Variants in CCDC40 observed in about 807,000 individuals in gnomAD.
The protein encoded by CCDC40 is coiled-coil domain 40 molecular ruler complex subunit.
A neutral mutation model predicts 124.5 loss-of-function variants in CCDC40; 104 were observed. The observed-to-expected ratio is 0.84, with a 90% CI of 0.71 to 0.98. The LOEUF is 0.98. CCDC40 is among the 50% of genes least tolerant of loss of function. The pLI is 0.00. For missense variants in CCDC40, 1,463 were observed against 1,503.9 expected (o/e 0.97, Z 0.45); for synonymous variants, 580 against 602.9 (o/e 0.96, Z 0.56).
chr17:80,047,086 T>TCCAC (rs1158365952), intron 3 of CCDC40, among the ~76,000 whole-genome samples, 193 bp from the exon 4 acceptor site: 1 of 152,218 alleles, frequency 6.6e-6, no homozygotes, highest in Non-Finnish European at 1.5e-5. Flanking sequence ...CCTCAAGCGA[T>TCCAC]CCACCCGCCT....
At position 80,058,028 on chromosome 17, in the gene CCDC40, C is replaced by T. The variant is rs533715442; in HGVS notation, c.1160-466C>T. Among the ~76,000 whole-genome samples the T allele has an allele frequency of 1.3e-5, 2 of 152,190 alleles. No individual in the cohort carries two copies. The highest frequency in any genetic ancestry group is 2.4e-5 in the African/African-American group (1 of 41,452). On this transcript the variant is annotated intron_variant, in intron 7 of 19. Coordinates refer to ENST00000397545, the MANE Select transcript of CCDC40 (RefSeq NM_017950.4). The surrounding 1 kb of genome is among the most constrained non-coding windows in gnomAD (Gnocchi z 4.2). ...CTCTTCTAGCCTCGTCCTCTCTGGC[C>T]TGCACTGCTGTGCAGCGGTGTCAGT...
intron 3 of CCDC40, among the ~76,000 whole-genome samples, chr17:80,046,248 G>A (rs1182235140): frequency 6.6e-6 from 1 of 152,148 alleles, no homozygotes; most frequent in Non-Finnish European, 1.5e-5. Context: ...AGGGAATTCA[G>A]AAGTGGTTCC....
chr17:80,089,286 C>T (rs1416521742), intron 16 of CCDC40, among the ~76,000 whole-genome samples: 1 of 152,186 alleles, frequency 6.6e-6, no homozygotes, highest in South Asian at 2.1e-4. Flanking sequence ...CTTTCTTCAG[C>T]GTGCTCCGGA....
intron 3 of CCDC40, 79 bp from the exon 4 acceptor site, chr17:80,047,200 A>C: frequency 1.0e-5 from 15 of 1,485,480 alleles, no homozygotes; most frequent in Non-Finnish European, 1.4e-5. Context: ...AACTTTCACA[A>C]ATGTAATGAG....
chr17:80,039,325 C>T (rs530642013), intron 2 of CCDC40, among the ~76,000 whole-genome samples: 1 of 152,132 alleles, frequency 6.6e-6, no homozygotes, highest in Admixed American at 6.5e-5. Flanking sequence ...CGAGATCACG[C>T]CACCGCACTC....
In CCDC40 at chr17:80,058,636, C is replaced by A. The variant is rs375163840; in HGVS notation, c.1302C>A (p.Ile434=). 2 of 1,614,022 alleles carry A rather than the reference C, an allele frequency of 1.2e-6. No homozygotes were observed. Among genetic ancestry groups the A allele is most frequent in the African/African-American group, 2.7e-5 (2 of 74,916 alleles). The part of the protein sequence containing the change: ...KAETERIRAE[I]EKKKQDLYVD... ...AGACGGAGAGGATCCGGGCAGAAAT[C>A]GAGAAGAAAAAGCAGGTATTCTGCA... Residue 434 remains isoleucine (I), a synonymous_variant, in exon 8 of 20, where the codon ATC becomes ATA. Transcript: ENST00000397545. The surrounding 1 kb of genome is among the most constrained non-coding windows in gnomAD (Gnocchi z 4.2).
rs7224338 is a variant in CCDC40, at chr17:80,086,571, C to T, written c.2449+355C>T. 0.41 allele frequency: 137,080 copies of T among 333,434 alleles called. 30,795 individuals carry two copies. The highest frequency in any genetic ancestry group is 0.5 in the Middle Eastern group (467 of 926). 20.7% of individuals were successfully genotyped at this position (333,434 alleles called of 1,614,324 possible). A position where few individuals can be genotyped will look rare whatever the true frequency, so the allele number is the denominator to read the frequency against. ...AGCCAGGGTCCTGCCAGGCAGGCTC[C>T]TGGTGCTGTCCCCACATCACCTCCA... On this transcript the variant is annotated intron_variant, in intron 14 of 19. Transcript: ENST00000397545. The surrounding 1 kb of genome is among the most constrained non-coding windows in gnomAD (Gnocchi z 5.5).
At chr17:80,082,297 G>A (rs549053156) in intron 12 of CCDC40, among the ~76,000 whole-genome samples, 1 of 149,854 alleles carries the variant, frequency 6.7e-6, no homozygotes, top group South Asian at 2.2e-4. Context: ...GATTTCCCTG[G>A]GGGGACCTGG....
intron 4 of CCDC40, 65 bp downstream of exon 4, chr17:80,047,467 CA>C (rs1262137826): frequency 6.5e-7 from 1 of 1,535,566 alleles, no homozygotes; most frequent in Non-Finnish European, 8.9e-7. Context: ...CCCTTCTGTG[CA>C]AGGGATGCCA....
At chr17:80,068,275 C>A (rs572328688) in intron 10 of CCDC40, among the ~76,000 whole-genome samples, 70 of 152,292 alleles carry the variant, frequency 4.6e-4, no homozygotes, top group African/African-American at 1.7e-3. Flanking sequence ...TCAGGTGATC[C>A]ACCCGTCTTG....
In CCDC40 at chr17:80,044,714, AAAAT is replaced by A. The variant is rs777470308; in HGVS notation, c.553-2563_553-2560del. On this transcript the variant is annotated intron_variant, in intron 3 of 19. Transcript: ENST00000397545. ...AAAACAAAACAAACAAACAAAAAAA[AAAAT>A]ATATATATATATATATATATCTCAA... Among the ~76,000 whole-genome samples, 603 of 76,780 alleles carry A rather than the reference AAAAT, an allele frequency of 7.9e-3. 5 individuals are homozygous for A. The highest frequency in any genetic ancestry group is 0.025 in the South Asian group (57 of 2,236). 50.4% of individuals were successfully genotyped at this position (76,780 alleles called of 152,430 possible).
chr17:80,070,765 C>T (rs2038167239), intron 10 of CCDC40, among the ~76,000 whole-genome samples: 1 of 152,180 alleles, frequency 6.6e-6, no homozygotes, highest in South Asian at 2.1e-4. Context: ...GAGCCAGAGC[C>T]TGTCTCAAAA....
intron 3 of CCDC40, among the ~76,000 whole-genome samples, chr17:80,044,100 G>A (rs1016644928): frequency 5.3e-5 from 8 of 152,106 alleles, no homozygotes; most frequent in Non-Finnish European, 5.9e-5. Context: ...ACAACCCTAC[G>A]AGGTAGGAAC....
intron 7 of CCDC40, among the ~76,000 whole-genome samples, chr17:80,053,669 T>C (rs551794160): frequency 6.6e-6 from 1 of 152,334 alleles, no homozygotes; most frequent in Non-Finnish European, 1.5e-5. Context: ...CTCAGCTCAC[T>C]GCAACCTCCA....
At chr17:80,050,427 A>G in intron 7 of CCDC40, 144 bp downstream of exon 7, 2 of 693,550 alleles carry the variant, frequency 2.9e-6, no homozygotes, top group Admixed American at 2.3e-5. Flanking sequence ...AGGGGAAGGC[A>G]CATAAATCAA....
chr17:80,062,621 C>T (rs2037933616), intron 9 of CCDC40, among the ~76,000 whole-genome samples: 2 of 152,074 alleles, frequency 1.3e-5, no homozygotes, highest in South Asian at 4.1e-4. Context: ...ACTCTGTCCC[C>T]CAGGCTGGAG....
In CCDC40 at chr17:80,087,801, G is replaced by A. The variant is rs151335066; in HGVS notation, c.2619+25G>A. The A allele has an allele frequency of 1.3e-3, 2,052 of 1,611,466 alleles. 36 individuals are homozygous for A. The East Asian group carries it at 0.035, about 27-fold the overall frequency. On this transcript the variant is annotated intron_variant, in intron 15 of 19. Coordinates refer to ENST00000397545, the MANE Select transcript of CCDC40 (RefSeq NM_017950.4). This position sits in a 1 kb window ranked among gnomAD's most constrained non-coding sequence, Gnocchi z 4.5. ...GGTCCGGCCGTGTCCACGCAGTCCC[G>A]GGGCTCAGGACGATGGAGGGCGGGG...
chr17:80,063,136 A>G (rs1048045501), intron 9 of CCDC40, among the ~76,000 whole-genome samples: 1 of 152,086 alleles, frequency 6.6e-6, no homozygotes, highest in African/African-American at 2.4e-5. Context: ...CGGAAATTGC[A>G]GTGAGCCAAG....
At chr17:80,067,549 G>C in intron 10 of CCDC40, 1 of 1,524,916 alleles carries the variant, frequency 6.6e-7, no homozygotes, top group Non-Finnish European at 8.8e-7. Flanking sequence ...AACACCGCTC[G>C]TTCCCGCCTT....
Sources: allele counts gnomAD v4.1 joint callset (sites outside exome capture counted in the v4.1 genomes callset), GRCh38; gene constraint gnomAD v4.1.1; non-coding constraint Gnocchi (gnomAD v3.1); transcripts MANE v1.5; gene names NCBI Gene and HGNC (gene_info 2026-07-23, HGNC 2026-07-21).